SNAP91: variants seen among roughly 807,000 people sequenced by gnomAD.
SNAP91 encodes the protein synaptosome associated protein 91.
Under a neutral mutation model 100.3 loss-of-function variants are expected in SNAP91, and 27 were observed. The ratio of observed to expected loss-of-function variants is 0.27; its 90% CI spans 0.20 to 0.37. The LOEUF (loss-of-function observed/expected upper bound fraction) is 0.37. Among genes scored for constraint, SNAP91 ranks in the 10% least tolerant of loss-of-function variants. The pLI is 1.00. For synonymous variants in SNAP91, 404 were observed against 398.6 expected (o/e 1.01, Z -0.16); for missense variants, 986 against 1,123.7 (o/e 0.88, Z 1.75).
At chr6:83,583,073 C>G (rs1033187375) in intron 22 of SNAP91, among the ~76,000 whole-genome samples, 26 of 152,274 alleles carry the variant, frequency 1.7e-4, no homozygotes, top group African/African-American at 6.3e-4. Flanking sequence ...GTCCTTCTGT[C>G]TCTACTCACT....
At chr6:83,559,591 G>C (rs1233368748) in intron 28 of SNAP91, among the ~76,000 whole-genome samples, 1 of 152,188 alleles carries the variant, frequency 6.6e-6, no homozygotes, top group African/African-American at 2.4e-5. Context: ...TTTGTAGCCA[G>C]CTAGTCTGAA....
intron 2 of SNAP91, among the ~76,000 whole-genome samples, chr6:83,675,827 A>ACACACACACACACAC (rs2098863670): frequency 7.2e-6 from 1 of 138,198 alleles, no homozygotes; most frequent in Non-Finnish European, 1.5e-5. Context: ...CACTTGAAGG[A>ACACACACACACACAC]ACACACACAC....
At position 83,591,283 on chromosome 6, in the gene SNAP91, T is replaced by C; in HGVS notation, c.1942A>G (p.Ser648Gly). Residue 648 changes from serine to glycine, a missense_variant, in exon 22 of 30, where the codon AGT becomes GGT. By Grantham distance (56) the Ser-to-Gly change is moderately conservative. Coordinates refer to ENST00000369694, the MANE Select transcript of SNAP91 (RefSeq NM_001242792.2). ...VIDLFGDAFGSSASEPQPASQ... is the reference protein window; with the variant it reads ...VIDLFGDAFGGSASEPQPASQ... Reference sequence around the variant, plus strand: ...GCAGGTTGGGGTTCAGAAGCACTACTTCCAAATGCATCTATCCGTTATCCA... The same window carrying C: ...GCAGGTTGGGGTTCAGAAGCACTACCTCCAAATGCATCTATCCGTTATCCA... The C allele has an allele frequency of 2.5e-6, 4 of 1,610,540 alleles. No homozygotes were observed. The highest frequency in any genetic ancestry group is 3.4e-6 in the Non-Finnish European group (4 of 1,176,816).
intron 8 of SNAP91, among the ~76,000 whole-genome samples, chr6:83,635,581 T>G (rs915164430): frequency 3.3e-5 from 5 of 152,302 alleles, no homozygotes; most frequent in African/African-American, 1.2e-4. Context: ...TGCGTGTCAT[T>G]ACATGAGATG....
Position 83,560,208 on chromosome 6 carries a change from G to A in SNAP91, c.2527C>T (p.Pro843Ser), listed in dbSNP as rs756442760. 1 of 1,612,586 alleles carries A rather than the reference G, an allele frequency of 6.2e-7. No individual in the cohort carries two copies. The highest frequency in any genetic ancestry group is 1.7e-5 in the Admixed American group (1 of 59,958). The change falls in exon 28 of 30, where the codon CCT becomes TCT. Residue 843 changes from proline (P) to serine (S), a missense_variant and splice_region_variant. Around this residue, in one of 4 missense-constraint regions of SNAP91, gnomAD observed 10 missense variants for 27.8 expected, o/e 0.36. Transcript: ENST00000369694. ...VGQPGAGFGM[P>S]PAGTGMPMMP... Reference sequence around the variant, plus strand: ...ATGGGCATGCCTGTCCCAGCAGGAGGCTGAGGAGGAAGAATGGAGAGTGGT... The same window carrying A: ...ATGGGCATGCCTGTCCCAGCAGGAGACTGAGGAGGAAGAATGGAGAGTGGT...
intron 2 of SNAP91, among the ~76,000 whole-genome samples, chr6:83,674,584 G>C (rs2098834400): frequency 6.6e-6 from 1 of 152,116 alleles, no homozygotes; most frequent in African/African-American, 2.4e-5. Context: ...GTATCTTCCA[G>C]CTCTAAGTTT....
intron 2 of SNAP91, among the ~76,000 whole-genome samples, chr6:83,674,164 C>T (rs972008850): frequency 1.3e-5 from 2 of 152,168 alleles, no homozygotes; most frequent in Admixed American, 6.6e-5. Flanking sequence ...GTGGCTCACG[C>T]CTATAATCCC....
In SNAP91 at chr6:83,697,364, AC is replaced by A. The variant is rs578069530; in HGVS notation, c.130+10433del. On this transcript the variant is annotated intron_variant, in intron 2 of 29. Transcript: ENST00000369694. ...CACACACACACACACACACACACAC[AC>A]AATGCCGGCAAAGGATTTTCTCTAA... Among the ~76,000 whole-genome samples the A allele has an allele frequency of 1.1e-4, 16 of 149,660 alleles. No individual in the cohort carries two copies. The South Asian group carries it at 3.4e-3, about 31-fold the overall frequency.
At chr6:83,624,713 C>CA (rs1468979526) in intron 8 of SNAP91, among the ~76,000 whole-genome samples, 2 of 151,660 alleles carry the variant, frequency 1.3e-5, no homozygotes, top group African/African-American at 2.4e-5. Context: ...AGTGTGATAA[C>CA]AAAAAAACAT....
chr6:83,697,685 T>G (rs2099237209), intron 2 of SNAP91, among the ~76,000 whole-genome samples: 2 of 152,222 alleles, frequency 1.3e-5, no homozygotes, highest in Admixed American at 1.3e-4. Context: ...CCTCCAATAT[T>G]ACACTTCTAT....
At chr6:83,653,300 C>G (rs2098277738) in intron 7 of SNAP91, among the ~76,000 whole-genome samples, 1 of 152,076 alleles carries the variant, frequency 6.6e-6, no homozygotes. Context: ...GTCCCACAGT[C>G]TTATTCTGTT....
chr6:83,629,812 T>C (rs2097133232), intron 8 of SNAP91, among the ~76,000 whole-genome samples: 1 of 152,114 alleles, frequency 6.6e-6, no homozygotes, highest in South Asian at 2.1e-4. Context: ...AGCAACAGCT[T>C]GACCTCCTCT....
intron 7 of SNAP91, among the ~76,000 whole-genome samples, chr6:83,654,840 G>C (rs1468871081): frequency 6.6e-6 from 1 of 152,162 alleles, no homozygotes; most frequent in Non-Finnish European, 1.5e-5. Context: ...TCATTTACCA[G>C]AAGAAAATCA....
In SNAP91 at chr6:83,582,352, A is replaced by G; in HGVS notation, c.2019T>C (p.Phe673=). 1 of 1,611,488 alleles carries G rather than the reference A, an allele frequency of 6.2e-7. No individual in the cohort carries two copies. The highest frequency in any genetic ancestry group is 8.5e-7 in the Non-Finnish European group (1 of 1,178,836). ...SSASADLLAG[F]GGSFMAPSPS... The stretch of plus-strand genomic sequence containing the variant: ...GGGAAGGCGCCATGAAAGAACCCCC[A>G]AATCCTGAAAAAAAGTTCCAAAAAA... The change falls in exon 23 of 30, where the codon TTT becomes TTC. Residue 673 remains phenylalanine (F), a synonymous_variant. Coordinates refer to ENST00000369694, the MANE Select transcript of SNAP91 (RefSeq NM_001242792.2).
intron 12 of SNAP91, among the ~76,000 whole-genome samples, chr6:83,610,160 A>G (rs575436360): frequency 6.6e-6 from 1 of 152,302 alleles, no homozygotes; most frequent in East Asian, 1.9e-4. Context: ...TTGTACACCC[A>G]TGTTCACAGA....
chr6:83,702,986 T>A (rs189678900), intron 2 of SNAP91, among the ~76,000 whole-genome samples: 1 of 152,204 alleles, frequency 6.6e-6, no homozygotes, highest in Admixed American at 6.5e-5. Context: ...TTCGAGAATG[T>A]CACAGAATCA....
chr6:83,702,788 G>T (rs2099329896), intron 2 of SNAP91, among the ~76,000 whole-genome samples: 1 of 151,482 alleles, frequency 6.6e-6, no homozygotes, highest in Non-Finnish European at 1.5e-5. Flanking sequence ...AAATGAGAAA[G>T]TAAAAAGATC....
intron 2 of SNAP91, chr6:83,690,112 T>C (rs2099112562): frequency 4.4e-6 from 1 of 227,250 alleles, no homozygotes; most frequent in South Asian, 1.5e-4. Context: ...AGTAAATTTG[T>C]ATAAACACAG....
chr6:83,588,021 G>A (rs1006667826), intron 22 of SNAP91, among the ~76,000 whole-genome samples: 4 of 151,398 alleles, frequency 2.6e-5, no homozygotes, highest in African/African-American at 9.7e-5. Context: ...AGAGATTAGG[G>A]TTTCACCATG....
Sources: gnomAD v4.1 joint callset for allele counts (sites outside exome capture counted in the v4.1 genomes callset) on GRCh38, gnomAD v4.1.1 for gene constraint, gnomAD v4.1.1 regional missense constraint, MANE v1.5 for transcripts, NCBI Gene and HGNC (gene_info 2026-07-23, HGNC 2026-07-21) for gene names.